RIMS2: variants seen among roughly 807,000 people sequenced by gnomAD.
The protein encoded by RIMS2 is regulating synaptic membrane exocytosis 2.
In RIMS2, 59 loss-of-function variants were observed where a neutral mutation model predicts 174.4. The observed-to-expected ratio is 0.34, with a 90% confidence interval of 0.27 to 0.42. The LOEUF (loss-of-function observed/expected upper bound fraction) is 0.42. Ranked by LOEUF, RIMS2 falls within the 10% of genes least tolerant of loss-of-function variation. RIMS2 has a pLI of 1.00. For missense variants in RIMS2, 1,620 were observed against 1,666.3 expected, an observed-to-expected ratio of 0.97 and a Z score of 0.48; for synonymous variants, 606 against 572.5, an observed-to-expected ratio of 1.06 and a Z score of -0.84.
chr8:103,934,293 A>G (rs2080721837), intron 12 of RIMS2, among the ~76,000 whole-genome samples: 2 of 152,108 alleles, frequency 1.3e-5, no homozygotes, highest in South Asian at 4.1e-4. Context: ...TTTTATTATA[A>G]TTAGGCTTTT....
Position 103,960,043 on chromosome 8 carries a change from C to CA in RIMS2, c.2702-1016dup, listed in dbSNP as rs542979008. On this transcript the variant is annotated intron_variant, in intron 14 of 23. Transcript: ENST00000504942. Reference sequence around the variant, plus strand: ...GGAGATAGAGACACAAAAAACCCGTCAAAAAATCAATGAATCCAGGAGCTG... The same window carrying CA: ...GGAGATAGAGACACAAAAAACCCGTCAAAAAAATCAATGAATCCAGGAGCTG... 3.0e-4 allele frequency among the ~76,000 whole-genome samples: 45 copies of CA among 151,972 alleles called. No individual in the cohort carries two copies. In the South Asian group the frequency reaches 3.1e-3, roughly 11 times the overall value.
chr8:103,539,351 C>T (rs1242680987), intron 1 of RIMS2, among the ~76,000 whole-genome samples: 1 of 152,104 alleles, frequency 6.6e-6, no homozygotes, highest in Admixed American at 6.6e-5. Flanking sequence ...AGATACCAGC[C>T]TTTATTTCAC....
intron 19 of RIMS2, among the ~76,000 whole-genome samples, chr8:104,211,986 G>A (rs1426705355): frequency 1.5e-5 from 2 of 137,022 alleles, no homozygotes; most frequent in Non-Finnish European, 3.1e-5. Flanking sequence ...CACGGTAAGG[G>A]AAAGTAAGGA....
intron 19 of RIMS2, among the ~76,000 whole-genome samples, chr8:104,222,055 C>G (rs574937332): frequency 6.6e-6 from 1 of 152,346 alleles, no homozygotes; most frequent in Non-Finnish European, 1.5e-5. Flanking sequence ...TCCTCAGGTT[C>G]TTCACACCTC....
intron 1 of RIMS2, among the ~76,000 whole-genome samples, chr8:103,525,339 T>C (rs965677282): frequency 6.6e-6 from 1 of 152,194 alleles, no homozygotes. Context: ...CCCTAAGGAA[T>C]AGCTCTTAGA....
intron 3 of RIMS2, among the ~76,000 whole-genome samples, chr8:103,847,773 GA>G (rs1320886057): frequency 1.3e-5 from 2 of 152,032 alleles, no homozygotes; most frequent in African/African-American, 4.8e-5. Context: ...ATTGACAGAT[GA>G]GGCATTCAGC....
intron 19 of RIMS2, among the ~76,000 whole-genome samples, chr8:104,212,433 A>G (rs2099109476): frequency 6.6e-6 from 1 of 152,204 alleles, no homozygotes; most frequent in African/African-American, 2.4e-5. Context: ...TCAAGAGAAG[A>G]TAATAATTTC....
At chr8:104,250,453 T>A (rs1189930674) in intron 22 of RIMS2, among the ~76,000 whole-genome samples, 2 of 152,206 alleles carry the variant, frequency 1.3e-5, no homozygotes, top group Non-Finnish European at 2.9e-5. Flanking sequence ...GTCAACTCAC[T>A]CTGCTATAAA....
intron 9 of RIMS2, chr8:103,920,774 G>A (rs1374738266): frequency 2.2e-6 from 1 of 447,006 alleles, no homozygotes; most frequent in East Asian, 7.2e-5. Flanking sequence ...CGGATCACGA[G>A]GTCAGGAGAT....
intron 1 of RIMS2, among the ~76,000 whole-genome samples, chr8:103,675,894 A>C (rs1426295): frequency 0.81 from 123,487 of 152,102 alleles, 50,633 homozygotes; most frequent in African/African-American, 0.92. Flanking sequence ...TATCAGTCTT[A>C]CAAATACCTG....
At chr8:104,178,706 G>A (rs1485512500) in intron 19 of RIMS2, among the ~76,000 whole-genome samples, 1 of 151,970 alleles carries the variant, frequency 6.6e-6, no homozygotes, top group African/African-American at 2.4e-5. Flanking sequence ...TCTACATTTT[G>A]TTGTTGCTGT....
At chr8:103,749,634 C>T (rs2097861642) in intron 2 of RIMS2, among the ~76,000 whole-genome samples, 1 of 151,974 alleles carries the variant, frequency 6.6e-6, no homozygotes, top group South Asian at 2.1e-4. Context: ...TGTTTTCATG[C>T]TTATTACTGG....
At chr8:104,244,745 CAACAT>C (rs1437425135) in intron 19 of RIMS2, among the ~76,000 whole-genome samples, 166 bp from the exon 26 acceptor site, 1 of 152,194 alleles carries the variant, frequency 6.6e-6, no homozygotes, top group Admixed American at 6.5e-5. Flanking sequence ...TCATCCCACT[CAACAT>C]GACATTGTTT....
intron 19 of RIMS2, among the ~76,000 whole-genome samples, chr8:104,096,976 A>T (rs1263595958): frequency 6.6e-6 from 1 of 152,146 alleles, no homozygotes; most frequent in African/African-American, 2.4e-5. Context: ...AATAAATCTC[A>T]GTCTTTATTG....
chr8:103,768,568 A>G lies in RIMS2; in HGVS notation c.698+2031A>G. 2.0e-6 allele frequency: 3 copies of G among 1,503,866 alleles called. No individual in the cohort carries two copies. The East Asian group carries it at 6.8e-5, about 34-fold the overall frequency. 93.2% of individuals were successfully genotyped at this position (1,503,866 alleles called of 1,614,324 possible). A position where few individuals can be genotyped will look rare whatever the true frequency, so the allele number is the denominator to read the frequency against. ...GAACTGGAGAAAGAAAGAGAAAATC[A>G]GTTCGTGGTTGCATTGTGGATGCCA... On this transcript the variant is annotated intron_variant, in intron 3 of 23. Coordinates refer to ENST00000504942, the Ensembl canonical transcript of RIMS2.
At chr8:103,896,478 T>C (rs2099278432) in intron 4 of RIMS2, among the ~76,000 whole-genome samples, 1 of 151,736 alleles carries the variant, frequency 6.6e-6, no homozygotes. Context: ...TATCTGCTTT[T>C]GTTTGGTTTC....
chr8:103,513,446 T>G (rs1020945709), intron 1 of RIMS2, among the ~76,000 whole-genome samples: 1 of 152,160 alleles, frequency 6.6e-6, no homozygotes, highest in Non-Finnish European at 1.5e-5. Flanking sequence ...TTTTAGACTT[T>G]AAAAATGTAA....
chr8:103,922,534 G>C (rs2077891334), intron 10 of RIMS2: 1 of 250,708 alleles, frequency 4.0e-6, no homozygotes, highest in African/African-American at 2.3e-5. Flanking sequence ...AAAAATACAG[G>C]TTAATATTAC....
intron 1 of RIMS2, among the ~76,000 whole-genome samples, chr8:103,517,063 G>C (rs1462209170): frequency 6.6e-6 from 1 of 152,196 alleles, no homozygotes; most frequent in African/African-American, 2.4e-5. Context: ...AGGAAACAGA[G>C]AGGAATAGGA....
Sources: allele counts gnomAD v4.1 joint callset (sites outside exome capture counted in the v4.1 genomes callset), GRCh38; gene constraint gnomAD v4.1.1; transcripts MANE v1.5; gene names NCBI Gene and HGNC (gene_info 2026-07-23, HGNC 2026-07-21).